The following HS6ST3 variants were observed in gnomAD, a reference collection of about 807,000 sequenced individuals.
HS6ST3 encodes the protein heparan sulfate 6-O-sulfotransferase 3, also known as heparan-sulfate 6-O-sulfotransferase 3.
A neutral mutation model predicts 36.7 loss-of-function variants in HS6ST3; 12 were observed. That is an observed-to-expected ratio of 0.33 (90% CI 0.21 to 0.53). The LOEUF (loss-of-function observed/expected upper bound fraction) is 0.53, where lower values mean the gene tolerates loss of function less well. Among genes scored for constraint, HS6ST3 ranks in the 20% least tolerant of loss-of-function variants. HS6ST3 has a pLI of 0.95. For missense variants in HS6ST3, 584 were observed against 640.9 expected (o/e 0.91, Z 0.96); for synonymous variants, 240 against 257.5 (o/e 0.93, Z 0.65).
chr13:96,467,548 T>C (rs2055820120), intron 1 of HS6ST3, among the ~76,000 whole-genome samples: 2 of 152,210 alleles, frequency 1.3e-5, no homozygotes, highest in Non-Finnish European at 2.9e-5. Flanking sequence ...ACAAGGCTTG[T>C]TCACATTACT....
At chr13:96,663,168 G>A (rs962221436) in intron 1 of HS6ST3, among the ~76,000 whole-genome samples, 7 of 152,132 alleles carry the variant, frequency 4.6e-5, no homozygotes, top group Non-Finnish European at 8.8e-5. Context: ...CCACTGCAGA[G>A]GTCAAGGAGT....
chr13:96,397,373 C>T lies in HS6ST3; in HGVS notation c.707+305804C>T, dbSNP rs2055427485. ...TAAATATTTCTGAAGATATGTTTTT[C>T]CCTTTGATCCACTCATTCTTTGTGT... On this transcript the variant is annotated intron_variant, in intron 1 of 1. Coordinates refer to ENST00000376705, the MANE Select transcript of HS6ST3 (RefSeq NM_153456.4). 2.6e-5 allele frequency among the ~76,000 whole-genome samples: 4 copies of T among 152,090 alleles called. No homozygotes were observed. The South Asian group carries it at 8.3e-4, about 32-fold the overall frequency.
At chr13:96,658,522 A>C (rs143386513) in intron 1 of HS6ST3, among the ~76,000 whole-genome samples, 397 of 151,156 alleles carry the variant, frequency 2.6e-3, no homozygotes, top group African/African-American at 8.6e-3. Context: ...ATCTCAAATG[A>C]TCTGCCTGCC....
At position 96,494,662 on chromosome 13, in the gene HS6ST3, C is replaced by T. The variant is rs547379193; in HGVS notation, c.708-337828C>T. Among the ~76,000 whole-genome samples the T allele has an allele frequency of 7.9e-5, 12 of 151,950 alleles. No individual in the cohort carries two copies. In the South Asian group the frequency reaches 2.1e-3, roughly 26 times the overall value. ...ATTTGAAACATCCTGTTTCAAAACA[C>T]ACACACACACACATACACACACACA... On this transcript the variant is annotated intron_variant, in intron 1 of 1. Coordinates refer to ENST00000376705, the MANE Select transcript of HS6ST3 (RefSeq NM_153456.4).
chr13:96,468,011 A>T (rs563648928), intron 1 of HS6ST3, among the ~76,000 whole-genome samples: 9 of 152,168 alleles, frequency 5.9e-5, no homozygotes, highest in Non-Finnish European at 1.0e-4. Flanking sequence ...AACTAACTTC[A>T]TTAAACCCCC....
At chr13:96,262,160 C>T (rs1379887739) in intron 1 of HS6ST3, among the ~76,000 whole-genome samples, 2 of 152,024 alleles carry the variant, frequency 1.3e-5, no homozygotes, top group Non-Finnish European at 2.9e-5. Context: ...TCTTTATCCC[C>T]AGGAAATTAA....
intron 1 of HS6ST3, among the ~76,000 whole-genome samples, chr13:96,254,339 G>A (rs1324086085): frequency 3.5e-5 from 5 of 143,156 alleles, no homozygotes; most frequent in East Asian, 4.3e-4. Flanking sequence ...GCTTGAACCC[G>A]GGAGGCAGAG....
chr13:96,509,372 C>T (rs2056039712), intron 1 of HS6ST3, among the ~76,000 whole-genome samples: 2 of 151,632 alleles, frequency 1.3e-5, no homozygotes, highest in African/African-American at 4.8e-5. Flanking sequence ...CATTATTTTT[C>T]TTTTTGTTGC....
intron 1 of HS6ST3, among the ~76,000 whole-genome samples, chr13:96,597,174 A>C (rs1372032314): frequency 1.3e-5 from 2 of 152,028 alleles, no homozygotes; most frequent in Non-Finnish European, 2.9e-5. Flanking sequence ...AACAACATAC[A>C]CTGGAGCCTA....
chr13:96,636,207 C>G (rs2056549314), intron 1 of HS6ST3, among the ~76,000 whole-genome samples: 2 of 152,010 alleles, frequency 1.3e-5, no homozygotes, highest in African/African-American at 4.8e-5. Flanking sequence ...TTCTGACTGG[C>G]AAAACACAAA....
intron 1 of HS6ST3, among the ~76,000 whole-genome samples, chr13:96,825,316 T>C (rs1387788092): frequency 6.6e-6 from 1 of 152,232 alleles, no homozygotes; most frequent in African/African-American, 2.4e-5. Flanking sequence ...GAACTTATAC[T>C]CTTCATTCTA....
intron 1 of HS6ST3, among the ~76,000 whole-genome samples, chr13:96,330,259 T>C (rs2055058277): frequency 6.6e-6 from 1 of 152,006 alleles, no homozygotes; most frequent in Non-Finnish European, 1.5e-5. Context: ...CGTTAGTTGA[T>C]GCAGTTTCTT....
At chr13:96,201,993 A>C (rs1161996229) in intron 1 of HS6ST3, among the ~76,000 whole-genome samples, 1 of 152,212 alleles carries the variant, frequency 6.6e-6, no homozygotes, top group East Asian at 1.9e-4. Flanking sequence ...TGAAACATTT[A>C]GTCAAAATTA....
At chr13:96,749,720 A>G (rs961228573) in intron 1 of HS6ST3, among the ~76,000 whole-genome samples, 7 of 152,106 alleles carry the variant, frequency 4.6e-5, no homozygotes, top group South Asian at 2.1e-4. Flanking sequence ...AATTTCTTCT[A>G]TGGTCACTCA....
chr13:96,603,505 A>G (rs986765264), intron 1 of HS6ST3, among the ~76,000 whole-genome samples: 2 of 152,144 alleles, frequency 1.3e-5, no homozygotes, highest in Non-Finnish European at 2.9e-5. Context: ...GTTTTTACAA[A>G]TAGTGTCTCT....
intron 1 of HS6ST3, among the ~76,000 whole-genome samples, chr13:96,776,055 T>G (rs1244176711): frequency 2.0e-5 from 3 of 152,152 alleles, no homozygotes; most frequent in African/African-American, 7.2e-5. Context: ...ACTGCACAAC[T>G]ACATGGAAAC....
At chr13:96,647,507 T>C (rs1416923230) in intron 1 of HS6ST3, among the ~76,000 whole-genome samples, 1 of 152,064 alleles carries the variant, frequency 6.6e-6, no homozygotes, top group Non-Finnish European at 1.5e-5. Context: ...TTAAGTGCGA[T>C]GCCTTGTACC....
At chr13:96,440,000 G>T (rs142960036) in intron 1 of HS6ST3, among the ~76,000 whole-genome samples, 5 of 152,180 alleles carry the variant, frequency 3.3e-5, no homozygotes, top group South Asian at 2.1e-4. Context: ...AAAGGCCTGG[G>T]GCTTATTTAC....
chr13:96,395,373 G>A (rs913616103), intron 1 of HS6ST3, among the ~76,000 whole-genome samples: 5 of 152,264 alleles, frequency 3.3e-5, no homozygotes, highest in Non-Finnish European at 1.5e-5. Context: ...TTAATTCTAA[G>A]TAGGTGCTCC....
Sources: gnomAD v4.1 joint callset for allele counts (sites outside exome capture counted in the v4.1 genomes callset) on GRCh38, gnomAD v4.1.1 for gene constraint, MANE v1.5 for transcripts, NCBI Gene and HGNC (gene_info 2026-07-23, HGNC 2026-07-21) for gene names.